Variants in KCNJ15 observed in about 807,000 individuals in gnomAD.
The protein encoded by KCNJ15 is ATP-sensitive inward rectifier potassium channel 15.
KCNJ15 carries 14 observed loss-of-function variants against 23.0 expected under a neutral mutation model. That is an observed-to-expected ratio of 0.61 (90% CI 0.40 to 0.95). KCNJ15 has a LOEUF of 0.95. KCNJ15 is among the 40% of genes least tolerant of loss of function. The pLI is 0.00. For missense variants in KCNJ15, 388 were observed against 461.8 expected, an observed-to-expected ratio of 0.84 and a Z score of 1.46; for synonymous variants, 185 against 183.2, an observed-to-expected ratio of 1.01 and a Z score of -0.08.
At position 38,304,451 on chromosome 21, in the gene KCNJ15, C is replaced by G. The variant is rs978510138; in HGVS notation, c.*4062C>G. The G allele has an allele frequency of 6.6e-6, 1 of 151,500 alleles. No homozygotes were observed. The highest frequency in any genetic ancestry group is 1.5e-5 in the Non-Finnish European group (1 of 67,918). 9.4% of individuals were successfully genotyped at this position (151,500 alleles called of 1,614,324 possible). ...GCTTTCCATGATGTAATTTTTTAAG[C>G]GAAAGGTACTAACATTTCCAGTCTT... On this transcript the variant is annotated 3_prime_UTR_variant, in exon 3 of 3. Coordinates refer to ENST00000398938, the MANE Select transcript of KCNJ15 (RefSeq NM_170736.3).
At chr21:38,239,178 C>T (rs1022446987) in intron 1 of KCNJ15, among the ~76,000 whole-genome samples, 10 of 152,146 alleles carry the variant, frequency 6.6e-5, no homozygotes, top group Non-Finnish European at 1.0e-4. Context: ...GCAGGTGTCC[C>T]TAAAGGCATG....
upstream of KCNJ15, among the ~76,000 whole-genome samples, chr21:38,256,376 A>G (rs1302267884): frequency 1.5e-5 from 2 of 137,074 alleles, no homozygotes; most frequent in African/African-American, 6.6e-5. Flanking sequence ...ATATATATAT[A>G]TATAATATTT....
chr21:38,249,207 A>C (rs1439902939), intron 1 of KCNJ15, among the ~76,000 whole-genome samples: 1 of 152,194 alleles, frequency 6.6e-6, no homozygotes, highest in Middle Eastern at 3.2e-3. Context: ...GATAAGACAT[A>C]CCACTGAGCA....
intron 1 of KCNJ15, among the ~76,000 whole-genome samples, chr21:38,287,861 A>C (rs559619285): frequency 6.6e-6 from 1 of 152,198 alleles, no homozygotes; most frequent in Non-Finnish European, 1.5e-5. Flanking sequence ...ACAAGCAAAC[A>C]ACTGAGAAAT....
At chr21:38,271,549 C>A (rs529422372) in intron 1 of KCNJ15, among the ~76,000 whole-genome samples, 42 of 152,328 alleles carry the variant, frequency 2.8e-4, no homozygotes, top group East Asian at 7.7e-4. Context: ...CCTGCTTTTC[C>A]TAAGCAGTTG....
rs76419636 is a variant in KCNJ15 at position 38,239,224 on chromosome 21, C to G, written c.-398-17822C>G. On this transcript the variant is annotated intron_variant, in intron 1 of 4. Coordinates refer to the KCNJ15 transcript ENST00000547341. ...CCTCTAAGGATTCAACCAGAAATCTCTTTGATTTGACATTTATTTTACAAC... is the reference window on the plus strand; with the variant it reads ...CCTCTAAGGATTCAACCAGAAATCTGTTTGATTTGACATTTATTTTACAAC... 5.9e-5 allele frequency among the ~76,000 whole-genome samples: 9 copies of G among 152,208 alleles called. No homozygotes were observed. The East Asian group carries it at 1.7e-3, about 29-fold the overall frequency.
intron 1 of KCNJ15, among the ~76,000 whole-genome samples, chr21:38,276,254 A>G (rs1056900149): frequency 6.6e-6 from 1 of 152,102 alleles, no homozygotes; most frequent in African/African-American, 2.4e-5. Flanking sequence ...ACAGTAGTAT[A>G]AAATGTTTGC....
At chr21:38,290,899 T>G (rs1324805694) in intron 1 of KCNJ15, among the ~76,000 whole-genome samples, 2 of 151,948 alleles carry the variant, frequency 1.3e-5, no homozygotes, top group African/African-American at 4.8e-5. Flanking sequence ...AACAAGTTAC[T>G]CAAACTTTTT....
At chr21:38,284,018 A>G (rs1409438719) in intron 1 of KCNJ15, among the ~76,000 whole-genome samples, 5 of 151,686 alleles carry the variant, frequency 3.3e-5, no homozygotes, top group Admixed American at 6.6e-5. Flanking sequence ...CTCAAATTCC[A>G]CTCGTTGGCT....
chr21:38,298,646 A>C (rs1236704114), intron 2 of KCNJ15, among the ~76,000 whole-genome samples: 2 of 152,238 alleles, frequency 1.3e-5, no homozygotes, highest in African/African-American at 4.8e-5. Context: ...TAGGTTTTAA[A>C]AAATGCATTA....
intron 1 of KCNJ15, among the ~76,000 whole-genome samples, chr21:38,249,205 A>G (rs147204595): frequency 1.3e-5 from 2 of 152,206 alleles, no homozygotes; most frequent in Non-Finnish European, 2.9e-5. Flanking sequence ...AAGATAAGAC[A>G]TACCACTGAG....
rs142175927 is a variant in KCNJ15, at chr21:38,283,356, G to A, written c.-116-13570G>A. Among the ~76,000 whole-genome samples the A allele has an allele frequency of 3.2e-3, 485 of 152,316 alleles. 5 individuals are homozygous for A. The highest frequency in any genetic ancestry group is 0.011 in the African/African-American group (460 of 41,562). On this transcript the variant is annotated intron_variant, in intron 1 of 2. Transcript: ENST00000398938. ...TCCTAATTTTGTTTTCCTTTAGAGA[G>A]ATAACTGCTGTTAATATTTTAGAGG... is the stretch of plus-strand genomic sequence containing the variant.
At chr21:38,283,308 T>C (rs1313222957) in intron 1 of KCNJ15, among the ~76,000 whole-genome samples, 2 of 152,220 alleles carry the variant, frequency 1.3e-5, no homozygotes, top group East Asian at 1.9e-4. Flanking sequence ...TGCATAAAAA[T>C]GGAAAATCTG....
intron 1 of KCNJ15, among the ~76,000 whole-genome samples, chr21:38,242,422 G>A (rs1167871920): frequency 1.3e-5 from 2 of 152,072 alleles, no homozygotes; most frequent in Admixed American, 6.6e-5. Flanking sequence ...CGACCCCATG[G>A]TGCCTGCCAC....
chr21:38,262,241 A>T (rs767852141), intron 1 of KCNJ15, among the ~76,000 whole-genome samples: 3 of 152,220 alleles, frequency 2.0e-5, no homozygotes, highest in Non-Finnish European at 4.4e-5. Flanking sequence ...TACCAACGCC[A>T]TTCTCACATA....
intron 1 of KCNJ15, among the ~76,000 whole-genome samples, chr21:38,274,668 C>T (rs1335623558): frequency 6.6e-6 from 1 of 152,174 alleles, no homozygotes; most frequent in Non-Finnish European, 1.5e-5. Flanking sequence ...TCCCTAATAA[C>T]ATCAGTACTT....
chr21:38,300,562 T>C lies in KCNJ15; in HGVS notation c.*173T>C. 1 of 589,806 alleles carries C rather than the reference T, an allele frequency of 1.7e-6. No individual in the cohort carries two copies. Among genetic ancestry groups the C allele is most frequent in the Non-Finnish European group, 3.0e-6 (1 of 333,488 alleles). 36.5% of individuals were successfully genotyped at this position (589,806 alleles called of 1,614,324 possible). The stretch of plus-strand genomic sequence containing the variant: ...TTGTGGCTAAACCAGCATTTCTGTG[T>C]TTGAGAGATTTCCTGTTAGGTGCTT... On this transcript the variant is annotated 3_prime_UTR_variant, in exon 3 of 3. Coordinates refer to ENST00000398938, the MANE Select transcript of KCNJ15 (RefSeq NM_170736.3).
At chr21:38,283,514 A>G (rs1983568400) in intron 1 of KCNJ15, among the ~76,000 whole-genome samples, 1 of 152,232 alleles carries the variant, frequency 6.6e-6, no homozygotes, top group Admixed American at 6.5e-5. Context: ...ATTTCAGCCT[A>G]TGAGTGTTTT....
chr21:38,245,664 GAAGA>G (rs917617744), intron 1 of KCNJ15, among the ~76,000 whole-genome samples: 33 of 149,642 alleles, frequency 2.2e-4, no homozygotes, highest in Non-Finnish European at 3.9e-4. Context: ...AGAAAGGAAA[GAAGA>G]AAGAAAGAAG....
Sources: allele counts gnomAD v4.1 joint callset (sites outside exome capture counted in the v4.1 genomes callset), GRCh38; gene constraint gnomAD v4.1.1; transcripts MANE v1.5; gene names NCBI Gene and HGNC (gene_info 2026-07-23, HGNC 2026-07-21).